BCLAF3: variants seen among roughly 807,000 people sequenced by gnomAD.
The protein encoded by BCLAF3 is BCLAF1 and THRAP3 family member 3.
BCLAF3 carries 24 observed loss-of-function variants against 51.2 expected under a neutral mutation model. The observed-to-expected ratio is 0.47, with a 90% CI of 0.34 to 0.66. The LOEUF (loss-of-function observed/expected upper bound fraction) is 0.66, where lower values mean the gene tolerates loss of function less well. Ranked by LOEUF, BCLAF3 falls within the 30% of genes least tolerant of loss-of-function variation. BCLAF3 has a pLI of 0.01. For synonymous variants in BCLAF3, 152 were observed against 176.6 expected (o/e 0.86, Z 1.10); for missense variants, 465 against 525.1 (o/e 0.89, Z 1.12).
chrX:19,950,581 G>T (rs112598754), intron 8 of BCLAF3, among the ~76,000 whole-genome samples, 172 bp downstream of exon 8: 4,079 of 112,076 alleles, frequency 0.036, 117 homozygotes, highest in African/African-American at 0.09. Context: ...CCGCATATGA[G>T]AATCACTGAA....
chrX:19,950,968 C>A, intron 7 of BCLAF3, 100 bp from the exon 8 acceptor site: 3 of 487,798 alleles, frequency 6.2e-6, no homozygotes, highest in Admixed American at 3.2e-5. Context: ...GATAAGTTAC[C>A]TTGTACTCAT....
Position 19,991,011 on chromosome X carries a change from C to T in BCLAF3, c.-138G>A, listed in dbSNP as rs1314411611. 5.5e-5 allele frequency among the ~76,000 whole-genome samples: 6 copies of T among 108,391 alleles called. No homozygotes were observed. The highest frequency in any genetic ancestry group is 2.0e-4 in the African/African-American group (6 of 30,110). The allele number at this position is 108,391 out of a possible 115,157, so 94.1% of individuals were successfully genotyped here. ...TCGCCCCTCACTCTGCCGCCGCCTC[C>T]CACAGCAGCGACACCCCAGCCACCT... is the stretch of plus-strand genomic sequence containing the variant. On this transcript the variant is annotated 5_prime_UTR_variant, in exon 1 of 12. Coordinates refer to ENST00000379682, the MANE Select transcript of BCLAF3 (RefSeq NM_001367774.2).
At chrX:19,956,227 C>A (rs1031890421) in intron 4 of BCLAF3, among the ~76,000 whole-genome samples, 2 of 111,753 alleles carry the variant, frequency 1.8e-5, no homozygotes, top group African/African-American at 6.5e-5. Context: ...GCTATCTTAC[C>A]ACTTTAATGC....
rs779709737 is a variant in BCLAF3 at position 19,981,918 on chromosome X, G to A, written c.-35+8990C>T. On this transcript the variant is annotated intron_variant, in intron 1 of 11. Coordinates refer to ENST00000379682, the MANE Select transcript of BCLAF3 (RefSeq NM_001367774.2). The stretch of plus-strand genomic sequence containing the variant: ...GCTAATGGGCACAGAGTTTCTTTTT[G>A]GGGGTGAAGAAAATGTTCTAAAATT... 7.3e-4 allele frequency among the ~76,000 whole-genome samples: 43 copies of A among 58,817 alleles called. No individual in the cohort carries two copies. In the East Asian group the frequency reaches 0.013, roughly 17 times the overall value. The allele number at this position is 58,817 out of a possible 115,157, so 51.1% of individuals were successfully genotyped here. A position where few individuals can be genotyped will look rare whatever the true frequency, so the allele number is the denominator to read the frequency against.
rs184901807 is a variant in BCLAF3 at position 19,982,922 on chromosome X, A to T, written c.-35+7986T>A. On this transcript the variant is annotated intron_variant, in intron 1 of 11. Coordinates refer to ENST00000379682, the MANE Select transcript of BCLAF3 (RefSeq NM_001367774.2). Reference sequence around the variant, plus strand: ...ACCTCAACAACTTTTACAATACAAAAGACATATCTAAACCAAAGTGATTCC... The same window carrying T: ...ACCTCAACAACTTTTACAATACAAATGACATATCTAAACCAAAGTGATTCC... Among the ~76,000 whole-genome samples the T allele has an allele frequency of 3.7e-5, 4 of 108,562 alleles. No individual in the cohort carries two copies. In the East Asian group the frequency reaches 1.2e-3, roughly 31 times the overall value. The allele number at this position is 108,562 out of a possible 115,157, so 94.3% of individuals were successfully genotyped here.
chrX:19,923,257 T>C (rs2070234864), intron 11 of BCLAF3: 1 of 116,360 alleles, frequency 8.6e-6, no homozygotes, highest in African/African-American at 3.2e-5. Context: ...AGTGGAATAA[T>C]ATGCAGCCAT....
chrX:19,970,084 G>A (rs2072206614), intron 2 of BCLAF3, 140 bp downstream of exon 2: 2 of 517,296 alleles, frequency 3.9e-6, no homozygotes, highest in South Asian at 6.3e-5. Context: ...CTACTAGAAT[G>A]TAGAAATACA....
chrX:19,924,762 G>GT (rs2070306741), intron 11 of BCLAF3, among the ~76,000 whole-genome samples: 1 of 110,949 alleles, frequency 9.0e-6, no homozygotes, highest in Non-Finnish European at 1.9e-5. Flanking sequence ...ATTACTTACA[G>GT]TTTTTCAGAG....
At chrX:19,985,671 A>G (rs1168601928) in intron 1 of BCLAF3, among the ~76,000 whole-genome samples, 2 of 112,531 alleles carry the variant, frequency 1.8e-5, no homozygotes, top group African/African-American at 6.5e-5. Flanking sequence ...GGCCAGGCAC[A>G]GTGGCTCATG....
intron 8 of BCLAF3, among the ~76,000 whole-genome samples, chrX:19,940,767 G>T (rs1473646427): frequency 1.1e-4 from 12 of 110,439 alleles, no homozygotes; most frequent in African/African-American, 4.0e-4. Flanking sequence ...ATGATTTATA[G>T]TCCTTTGGGT....
chrX:19,969,102 G>A lies in BCLAF3; in HGVS notation c.41+1122C>T, dbSNP rs775307964. ...CACTCCAGCCTGGGCGACAGAGCGA[G>A]ATTCCATCTCAAAACAAAATAAAAA... is the stretch of plus-strand genomic sequence containing the variant. On this transcript the variant is annotated intron_variant, in intron 2 of 11. Transcript: ENST00000379682. Among the ~76,000 whole-genome samples the A allele has an allele frequency of 8.1e-5, 9 of 111,710 alleles. 1 individual carries two copies. The South Asian group carries it at 3.4e-3, about 42-fold the overall frequency.
At chrX:19,967,348 T>C (rs2072092480) in intron 2 of BCLAF3, among the ~76,000 whole-genome samples, 1 of 112,018 alleles carries the variant, frequency 8.9e-6, no homozygotes, top group Non-Finnish European at 1.9e-5. Flanking sequence ...TGCTTTTCTT[T>C]CCCAGATCTG....
chrX:19,928,455 C>T (rs891880500), intron 11 of BCLAF3, among the ~76,000 whole-genome samples: 4 of 109,186 alleles, frequency 3.7e-5, no homozygotes, highest in South Asian at 4.0e-4. Flanking sequence ...TAGTGGCAGG[C>T]GCCTGTAATA....
intron 10 of BCLAF3, 185 bp downstream of exon 10, chrX:19,935,624 C>A: frequency 2.4e-5 from 9 of 380,251 alleles, no homozygotes; most frequent in East Asian, 1.2e-4. Context: ...AATTGAAAAT[C>A]AAGTCCTAAG....
intron 2 of BCLAF3, among the ~76,000 whole-genome samples, chrX:19,968,679 T>C (rs900804982): frequency 8.9e-6 from 1 of 112,938 alleles, no homozygotes; most frequent in Non-Finnish European, 1.9e-5. Context: ...AGGCTAATAA[T>C]GTGTTAGTTT....
chrX:19,983,159 T>C (rs1326843815), intron 1 of BCLAF3, among the ~76,000 whole-genome samples: 4 of 103,489 alleles, frequency 3.9e-5, no homozygotes, highest in Non-Finnish European at 7.9e-5. Context: ...GGTTTCGCCA[T>C]GTTGGCCAAG....
intron 2 of BCLAF3, among the ~76,000 whole-genome samples, chrX:19,968,720 A>G (rs2072146565): frequency 8.8e-6 from 1 of 113,101 alleles, no homozygotes; most frequent in Non-Finnish European, 1.9e-5. Context: ...GATCCTTTAT[A>G]GTTCTTAACA....
Position 19,965,229 on chromosome X carries a change from T to C in BCLAF3, c.1089A>G (p.Arg363=), listed in dbSNP as rs764376896. ...TYSNKNDVDL[R]SSNDKWKEKI... Reference sequence around the variant, plus strand: ...TTTCCTTCCATTTGTCATTACTAGATCGCAAATCAACATCATTTTTATTTG... The same window carrying C: ...TTTCCTTCCATTTGTCATTACTAGACCGCAAATCAACATCATTTTTATTTG... The change falls in exon 4 of 12, where the codon CGA becomes CGG. Residue 363 remains arginine, a synonymous_variant. Transcript: ENST00000379682. 6.6e-6 allele frequency: 8 copies of C among 1,208,289 alleles called. No homozygotes were observed. In the South Asian group the frequency reaches 1.4e-4, roughly 22 times the overall value.
In BCLAF3 at chrX:19,982,555, ACAC is replaced by A. The variant is rs1368949403; in HGVS notation, c.-35+8350_-35+8352del. Among the ~76,000 whole-genome samples, 162 of 61,377 alleles carry A rather than the reference ACAC, an allele frequency of 2.6e-3. 1 individual carries two copies. The African/African-American group carries it at 0.041, about 15-fold the overall frequency. 53.3% of individuals were successfully genotyped at this position (61,377 alleles called of 115,157 possible). On this transcript the variant is annotated intron_variant, in intron 1 of 11. Transcript: ENST00000379682. ...TGATTACATAGATGCAATTTCACAC[ACAC>A]ACACACACACACACACACACACACA... is the stretch of plus-strand genomic sequence containing the variant.
Sources: gnomAD v4.1 joint callset for allele counts (sites outside exome capture counted in the v4.1 genomes callset) on GRCh38, gnomAD v4.1.1 for gene constraint, MANE v1.5 for transcripts, NCBI Gene and HGNC (gene_info 2026-07-23, HGNC 2026-07-21) for gene names.